The following ABCC2 variants were observed in gnomAD, a reference collection of about 807,000 sequenced individuals.
The protein encoded by ABCC2 is ATP-binding cassette sub-family C member 2.
In ABCC2, 157 loss-of-function variants were observed where a neutral mutation model predicts 173.4. That is an observed-to-expected ratio of 0.91 (90% CI 0.80 to 1.03). The LOEUF is 1.03. ABCC2 is among the 50% of genes least tolerant of loss of function. The pLI, the probability that ABCC2 is intolerant of heterozygous loss-of-function variation, is 0.00. For missense variants in ABCC2, 1,822 were observed against 1,852.3 expected (o/e 0.98, Z 0.30); for synonymous variants, 657 against 693.5 (o/e 0.95, Z 0.83).
chr10:99,842,150 C>T, intron 26 of ABCC2, 57 bp downstream of exon 26: 1 of 1,607,644 alleles, frequency 6.2e-7, no homozygotes, highest in Admixed American at 1.7e-5. Context: ...TAAATTAAGC[C>T]TGATGTATAC....
intron 6 of ABCC2, 54 bp downstream of exon 6, chr10:99,794,522 A>T: frequency 1.4e-6 from 2 of 1,481,104 alleles, no homozygotes; most frequent in Non-Finnish European, 1.9e-6. Flanking sequence ...CACTCCTCTG[A>T]AAGTGTCAGA....
Position 99,813,145 on chromosome 10 carries a change from G to A in ABCC2, c.2094+1G>A. The A allele has an allele frequency of 1.2e-6, 2 of 1,613,502 alleles. No individual in the cohort carries two copies. Among genetic ancestry groups the A allele is most frequent in the Middle Eastern group, 1.7e-4 (1 of 5,910 alleles). Reference sequence around the variant, plus strand: ...TGTCCACGGGCACATCACCATCAAGGTGAGAGGGAATGCCAATGCAAAAGC... The same window carrying A: ...TGTCCACGGGCACATCACCATCAAGATGAGAGGGAATGCCAATGCAAAAGC... On this transcript the variant is annotated splice_donor_variant, in intron 16 of 31. Transcript: ENST00000647814. LOFTEE classifies it high-confidence loss of function.
intron 5 of ABCC2, among the ~76,000 whole-genome samples, 163 bp downstream of exon 5, chr10:99,794,162 C>A (rs2037856618): frequency 6.8e-6 from 1 of 147,128 alleles, no homozygotes; most frequent in South Asian, 2.2e-4. Context: ...GAGTAAAATA[C>A]TGACTTTTAC....
At chr10:99,814,281 G>GTA (rs1317397952) in intron 16 of ABCC2, among the ~76,000 whole-genome samples, 1,026 of 43,132 alleles carry the variant, frequency 0.024, 172 homozygotes, top group African/African-American at 0.1. Context: ...ACACACGTAT[G>GTA]TATACACACA....
At chr10:99,800,939 T>C (rs74152766) in intron 9 of ABCC2, among the ~76,000 whole-genome samples, 3,812 of 152,196 alleles carry the variant, frequency 0.025, 158 homozygotes, top group African/African-American at 0.084. Flanking sequence ...GTCAAACTCT[T>C]AAAACCACCA....
At chr10:99,850,475 A>G in intron 30 of ABCC2, 127 bp from the exon 31 acceptor site, 1 of 974,564 alleles carries the variant, frequency 1.0e-6, no homozygotes, top group Admixed American at 2.0e-5. Context: ...AAGAGGCCCA[A>G]ACATTCCAGG....
At position 99,832,151 on chromosome 10, in the gene ABCC2, T is replaced by A; in HGVS notation, c.3258+20T>A. 2 of 1,614,082 alleles carry A rather than the reference T, an allele frequency of 1.2e-6. No individual in the cohort carries two copies. Among genetic ancestry groups the A allele is most frequent in the Non-Finnish European group, 1.7e-6 (2 of 1,179,982 alleles). Reference sequence around the variant, plus strand: ...GCCGGCGTAAGTATCTCAAGAACTGTCAGGTGGTGTGTTTATATACTGAGG... The same window carrying A: ...GCCGGCGTAAGTATCTCAAGAACTGACAGGTGGTGTGTTTATATACTGAGG... On this transcript the variant is annotated intron_variant, in intron 23 of 31. Transcript: ENST00000647814.
At chr10:99,828,975 G>A (rs1028278290) in intron 19 of ABCC2, among the ~76,000 whole-genome samples, 13 of 151,448 alleles carry the variant, frequency 8.6e-5, no homozygotes, top group African/African-American at 2.9e-4. Context: ...AGAGATCAGA[G>A]ACCCTGTGAG....
chr10:99,811,688 TGG>T (rs1427385824), intron 15 of ABCC2, 86 bp downstream of exon 15: 1 of 1,442,206 alleles, frequency 6.9e-7, no homozygotes, highest in African/African-American at 1.4e-5. Context: ...ATAGAATGCA[TGG>T]GGAAATGAGC....
chr10:99,815,080 CT>C (rs1419176888), intron 16 of ABCC2, among the ~76,000 whole-genome samples: 2 of 151,768 alleles, frequency 1.3e-5, no homozygotes, highest in Non-Finnish European at 2.9e-5. Context: ...GACCTGTCAT[CT>C]AGGTTCCCTC....
rs759882758 is a variant in ABCC2, at chr10:99,812,985, G to T, written c.1968-33G>T. 9 of 1,612,774 alleles carry T rather than the reference G, an allele frequency of 5.6e-6. No homozygotes were observed. The Admixed American group carries it at 1.3e-4, about 24-fold the overall frequency. ...AACTACTCTTCAATACCCAACCCCT[G>T]CTATCTCCTTCAAAGACATTCCTGT... On this transcript the variant is annotated intron_variant, in intron 15 of 31. Transcript: ENST00000647814.
intron 1 of ABCC2, among the ~76,000 whole-genome samples, chr10:99,783,847 A>C (rs1444145128): frequency 1.3e-5 from 2 of 152,114 alleles, no homozygotes; most frequent in East Asian, 3.9e-4. Flanking sequence ...TCTGAGAACT[A>C]CCTGACAAAC....
In ABCC2 at chr10:99,845,695, T is replaced by A. The variant is rs2039006136; in HGVS notation, c.4059T>A (p.Ala1353=). ...ACTGCCTCTTCAGAATCTTAGAGGC[T>A]GCCGGTGGTCAGATTATCATTGATG... ...LTNCLFRILE[A]AGGQIIIDGV... The change falls in exon 29 of 32, where the codon GCT becomes GCA. Residue 1353 remains alanine, a synonymous_variant. Transcript: ENST00000647814. The A allele has an allele frequency of 6.2e-7, 1 of 1,613,988 alleles. No homozygotes were observed. The highest frequency in any genetic ancestry group is 8.5e-7 in the Non-Finnish European group (1 of 1,180,012).
intron 6 of ABCC2, among the ~76,000 whole-genome samples, chr10:99,796,544 T>TGCAGTGGTGGC (rs2037915071): frequency 6.6e-6 from 1 of 151,908 alleles, no homozygotes; most frequent in South Asian, 2.1e-4. Context: ...AGAAGCCGTG[T>TGCAGTGGTGGC]GCAGTGGTGC....
chr10:99,812,837 GA>G (rs2038240150), intron 15 of ABCC2, among the ~76,000 whole-genome samples, 180 bp from the exon 16 acceptor site: 1 of 152,152 alleles, frequency 6.6e-6, no homozygotes, highest in Admixed American at 6.5e-5. Context: ...TTAGAGCTAA[GA>G]AAAGAAAAAG....
chr10:99,792,069 TTATTC>T (rs1387411035), intron 2 of ABCC2, among the ~76,000 whole-genome samples, 160 bp from the exon 3 acceptor site: 1 of 152,238 alleles, frequency 6.6e-6, no homozygotes, highest in Admixed American at 6.5e-5. Flanking sequence ...ACTTTGAACA[TTATTC>T]TATCACTTGA....
At chr10:99,828,869 C>T (rs542992248) in intron 19 of ABCC2, among the ~76,000 whole-genome samples, 2 of 151,810 alleles carry the variant, frequency 1.3e-5, no homozygotes, top group East Asian at 1.9e-4. Context: ...CATAGTCAGC[C>T]GGAAGTGAAA....
In ABCC2 at chr10:99,817,186, C is replaced by G. The variant is rs886979583; in HGVS notation, c.2095-122C>G. ...GAATACATATCAGATCCTCAGTCAT[C>G]CTGATGCACAGTTATTTAAATTTAA... On this transcript the variant is annotated intron_variant, in intron 16 of 31. Transcript: ENST00000647814. 2.2e-5 allele frequency: 19 copies of G among 859,178 alleles called. No homozygotes were observed. In the African/African-American group the frequency reaches 2.7e-4, roughly 12 times the overall value. 53.2% of individuals were successfully genotyped at this position (859,178 alleles called of 1,614,324 possible).
chr10:99,790,693 T>C (rs2037797448), intron 2 of ABCC2, among the ~76,000 whole-genome samples: 1 of 152,196 alleles, frequency 6.6e-6, no homozygotes, highest in South Asian at 2.1e-4. Flanking sequence ...TCATAGTCTC[T>C]TGTGAGGAAA....
Sources: allele counts gnomAD v4.1 joint callset (sites outside exome capture counted in the v4.1 genomes callset), GRCh38; gene constraint gnomAD v4.1.1; transcripts MANE v1.5; gene names NCBI Gene and HGNC (gene_info 2026-07-23, HGNC 2026-07-21).